The following CEP128 variants were observed in gnomAD, a reference collection of about 807,000 sequenced individuals.
The protein encoded by CEP128 is centrosomal protein 128kDa.
CEP128 carries 132 observed loss-of-function variants against 156.7 expected under a neutral mutation model. The observed-to-expected ratio is 0.84, with a 90% CI of 0.73 to 0.97. The LOEUF is 0.97. Ranked by LOEUF, CEP128 falls within the 50% of genes least tolerant of loss-of-function variation. CEP128 has a pLI of 0.00. For missense variants in CEP128, 1,252 were observed against 1,281.9 expected, an observed-to-expected ratio of 0.98 and a Z score of 0.36; for synonymous variants, 469 against 448.9, an observed-to-expected ratio of 1.04 and a Z score of -0.57.
At chr14:80,908,727 G>C (rs1595575761) in intron 4 of CEP128, among the ~76,000 whole-genome samples, 2 of 152,156 alleles carry the variant, frequency 1.3e-5, no homozygotes, top group African/African-American at 4.8e-5. Context: ...TACATGAGAA[G>C]TTGTAGAAAT....
chr14:80,733,554 T>C (rs913248973), intron 19 of CEP128, among the ~76,000 whole-genome samples: 2 of 152,128 alleles, frequency 1.3e-5, no homozygotes, highest in African/African-American at 4.8e-5. Context: ...TGGGAGAATG[T>C]AATCTTTTTT....
intron 3 of CEP128, 31 bp from the exon 4 acceptor site, chr14:80,914,439 T>C (rs752157596): frequency 1.3e-6 from 2 of 1,520,344 alleles, no homozygotes; most frequent in Non-Finnish European, 9.1e-7. Flanking sequence ...GAATTAATTA[T>C]TCCAAATACT....
intron 13 of CEP128, among the ~76,000 whole-genome samples, chr14:80,818,761 T>C (rs140546470): frequency 4.1e-4 from 63 of 152,320 alleles, no homozygotes; most frequent in Admixed American, 1.2e-3. Context: ...CAAACAAATA[T>C]ACCTGAAGAA....
chr14:80,862,984 T>C, intron 8 of CEP128, 111 bp from the exon 9 acceptor site: 1 of 649,702 alleles, frequency 1.5e-6, no homozygotes, highest in South Asian at 2.7e-5. Context: ...CATTTAAGAT[T>C]GTTTTGTTTG....
intron 9 of CEP128, among the ~76,000 whole-genome samples, chr14:80,845,475 C>T (rs1886553113): frequency 6.6e-6 from 1 of 152,062 alleles, no homozygotes; most frequent in Non-Finnish European, 1.5e-5. Flanking sequence ...AAAAGAGATG[C>T]ATAGTTTTAT....
intron 2 of CEP128, among the ~76,000 whole-genome samples, chr14:80,927,768 G>A: frequency 6.6e-6 from 1 of 152,192 alleles, no homozygotes; most frequent in East Asian, 1.9e-4. Context: ...AACTGCTTTA[G>A]TTGTAGCTGT....
At chr14:80,606,150 ACT>A (rs1166037032) in intron 19 of CEP128, among the ~76,000 whole-genome samples, 1 of 152,060 alleles carries the variant, frequency 6.6e-6, no homozygotes, top group African/African-American at 2.4e-5. Flanking sequence ...AATTTTTAAC[ACT>A]GATTACAACT....
intron 23 of CEP128, among the ~76,000 whole-genome samples, chr14:80,515,540 C>T (rs1311726092): frequency 6.6e-6 from 1 of 152,154 alleles, no homozygotes; most frequent in African/African-American, 2.4e-5. Context: ...CAACTGTCAA[C>T]CAGATAATGT....
intron 8 of CEP128, among the ~76,000 whole-genome samples, chr14:80,870,651 T>C (rs1241989203): frequency 6.6e-6 from 1 of 151,826 alleles, no homozygotes; most frequent in Non-Finnish European, 1.5e-5. Context: ...TACTCAACAG[T>C]AAAAATCTAA....
At chr14:80,829,995 T>C (rs1287151731) in intron 13 of CEP128, among the ~76,000 whole-genome samples, 2 of 152,182 alleles carry the variant, frequency 1.3e-5, no homozygotes, top group African/African-American at 2.4e-5. Flanking sequence ...GTTATGAACA[T>C]AGAGCAAAGG....
intron 16 of CEP128, among the ~76,000 whole-genome samples, chr14:80,775,261 T>G (rs574393397): frequency 1.3e-5 from 2 of 152,298 alleles, no homozygotes; most frequent in African/African-American, 4.8e-5. Flanking sequence ...AGGAAAGAAT[T>G]CAAAGTTTTA....
intron 24 of CEP128, among the ~76,000 whole-genome samples, chr14:80,503,406 C>T (rs1887825349): frequency 6.6e-6 from 1 of 152,144 alleles, no homozygotes; most frequent in South Asian, 2.1e-4. Flanking sequence ...CAGGTTCTTT[C>T]ACTGCCTATC....
At chr14:80,603,041 A>G (rs1892642249) in intron 19 of CEP128, among the ~76,000 whole-genome samples, 1 of 152,176 alleles carries the variant, frequency 6.6e-6, no homozygotes. Flanking sequence ...AGGACCAGAA[A>G]CTTCACTTTC....
At chr14:80,910,019 A>C (rs1192109212) in intron 4 of CEP128, among the ~76,000 whole-genome samples, 1 of 152,194 alleles carries the variant, frequency 6.6e-6, no homozygotes, top group Non-Finnish European at 1.5e-5. Context: ...ACAATGTTAT[A>C]AATTCTTTTG....
At chr14:80,489,922 A>C (rs1024836979), downstream of CEP128, among the ~76,000 whole-genome samples, 1 of 150,708 alleles carries the variant, frequency 6.6e-6, no homozygotes, top group Non-Finnish European at 1.5e-5. Flanking sequence ...AAAAAAAAAA[A>C]AAAGAAACAC....
chr14:80,692,388 T>C (rs138410944), intron 19 of CEP128, among the ~76,000 whole-genome samples: 112 of 152,296 alleles, frequency 7.4e-4, no homozygotes, highest in Non-Finnish European at 1.1e-3. Context: ...AATTATTGAA[T>C]GGAATGGCTA....
At chr14:80,691,063 C>T (rs897803287) in intron 19 of CEP128, among the ~76,000 whole-genome samples, 1 of 152,082 alleles carries the variant, frequency 6.6e-6, no homozygotes, top group African/African-American at 2.4e-5. Flanking sequence ...TTTGTATAGT[C>T]AATTAGCACA....
chr14:80,658,048 TTA>T lies in CEP128; in HGVS notation c.2807-77627_2807-77626del, dbSNP rs780749879. Among the ~76,000 whole-genome samples the T allele has an allele frequency of 6.6e-5, 10 of 152,328 alleles. No individual in the cohort carries two copies. In the East Asian group the frequency reaches 9.6e-4, roughly 15 times the overall value. On this transcript the variant is annotated intron_variant, in intron 19 of 24. Transcript: ENST00000555265. ...AGTAACAGGAGACCTGTGTTACTGT[TTA>T]TAGTTTTTTTCTAATGCTATCACCA... is the stretch of plus-strand genomic sequence containing the variant.
intron 2 of CEP128, among the ~76,000 whole-genome samples, chr14:80,951,671 A>G (rs1273179130): frequency 2.0e-5 from 3 of 152,150 alleles, no homozygotes; most frequent in African/African-American, 4.8e-5. Flanking sequence ...GTGAATAATG[A>G]CATTAAATGT....
Sources: allele counts gnomAD v4.1 joint callset (sites outside exome capture counted in the v4.1 genomes callset), GRCh38; gene constraint gnomAD v4.1.1; transcripts MANE v1.5; gene names NCBI Gene and HGNC (gene_info 2026-07-23, HGNC 2026-07-21).